Variants in PLXNC1 observed in about 807,000 individuals in gnomAD.
PLXNC1 encodes plexin C1, also known as plexin-C1.
In PLXNC1, 75 loss-of-function variants were observed where a neutral mutation model predicts 178.2. The observed-to-expected ratio is 0.42, with a 90% CI of 0.35 to 0.51. The LOEUF (loss-of-function observed/expected upper bound fraction) is 0.51, where lower values mean the gene tolerates loss of function less well. Ranked by LOEUF, PLXNC1 falls within the 20% of genes least tolerant of loss-of-function variation. The pLI is 0.02. For synonymous variants in PLXNC1, 790 were observed against 779.9 expected (o/e 1.01, Z -0.22); for missense variants, 1,503 against 1,984.4 (o/e 0.76, Z 4.61).
rs1227152662 is a variant in PLXNC1, at chr12:94,249,941, G to GGGGGTGGT, written c.2779-1478_2779-1477insTGGGGTGG. ...AAAAAGCACCAGTGTGGGGGGGTGG[G>GGGGGTGGT]GGGGTGGGAACAGGAGCAGGTAGGG... is the stretch of plus-strand genomic sequence containing the variant. On this transcript the variant is annotated intron_variant, in intron 14 of 30. Transcript: ENST00000258526. Among the ~76,000 whole-genome samples, 4 of 133,268 alleles carry GGGGGTGGT rather than the reference G, an allele frequency of 3.0e-5. No homozygotes were observed. The South Asian group carries it at 1.2e-3, about 39-fold the overall frequency. 87.4% of individuals were successfully genotyped at this position (133,268 alleles called of 152,430 possible). A position where few individuals can be genotyped will look rare whatever the true frequency, so the allele number is the denominator to read the frequency against.
intron 4 of PLXNC1, among the ~76,000 whole-genome samples, chr12:94,195,889 T>G (rs1354168836): frequency 6.6e-6 from 1 of 152,232 alleles, no homozygotes; most frequent in African/African-American, 2.4e-5. Flanking sequence ...TAAACATATT[T>G]GTCCCCAACA....
At chr12:94,197,568 C>T (rs1315591811) in intron 4 of PLXNC1, among the ~76,000 whole-genome samples, 1 of 152,066 alleles carries the variant, frequency 6.6e-6, no homozygotes, top group African/African-American at 2.4e-5. Flanking sequence ...GTCTCTAGAA[C>T]TGTAAAAAAT....
At chr12:94,159,199 G>A (rs1961286113) in intron 1 of PLXNC1, among the ~76,000 whole-genome samples, 1 of 152,170 alleles carries the variant, frequency 6.6e-6, no homozygotes, top group Non-Finnish European at 1.5e-5. Flanking sequence ...ACATTAAGAT[G>A]ATAGCTAAAA....
At chr12:94,229,669 G>A (rs1238943820) in intron 9 of PLXNC1, among the ~76,000 whole-genome samples, 1 of 152,092 alleles carries the variant, frequency 6.6e-6, no homozygotes, top group Admixed American at 6.5e-5. Flanking sequence ...TTCCCCCATT[G>A]AATGGTCTTG....
At chr12:94,297,149 T>C in intron 24 of PLXNC1, 40 bp from the exon 25 acceptor site, 1 of 1,611,154 alleles carries the variant, frequency 6.2e-7, no homozygotes, top group East Asian at 2.2e-5. Flanking sequence ...GTTGCTTTTT[T>C]TAATGGACTG....
intron 1 of PLXNC1, among the ~76,000 whole-genome samples, chr12:94,159,876 G>A (rs1961314021): frequency 6.6e-6 from 1 of 152,208 alleles, no homozygotes; most frequent in South Asian, 2.1e-4. Context: ...GAAACAGATG[G>A]ATTTTGTTTA....
intron 4 of PLXNC1, among the ~76,000 whole-genome samples, chr12:94,202,804 C>T (rs1963181353): frequency 6.6e-6 from 1 of 152,146 alleles, no homozygotes; most frequent in Non-Finnish European, 1.5e-5. Context: ...CCAAACTTAC[C>T]TGGGGATGAG....
intron 9 of PLXNC1, among the ~76,000 whole-genome samples, chr12:94,236,033 C>A (rs1964232155): frequency 6.6e-6 from 1 of 152,184 alleles, no homozygotes; most frequent in Non-Finnish European, 1.5e-5. Flanking sequence ...AGAGATTTAT[C>A]TTGAAGGCTT....
At chr12:94,158,860 G>A (rs1343593156) in intron 1 of PLXNC1, among the ~76,000 whole-genome samples, 2 of 152,126 alleles carry the variant, frequency 1.3e-5, no homozygotes, top group Non-Finnish European at 2.9e-5. Context: ...GGGAGTTTCC[G>A]GAGCCCTACA....
chr12:94,155,713 A>G (rs568913662), intron 1 of PLXNC1, among the ~76,000 whole-genome samples: 5 of 152,302 alleles, frequency 3.3e-5, no homozygotes, highest in South Asian at 2.1e-4. Context: ...TGCATATAAC[A>G]GTTTATTTGT....
chr12:94,177,905 G>A (rs553736188), intron 2 of PLXNC1, among the ~76,000 whole-genome samples: 23 of 152,288 alleles, frequency 1.5e-4, no homozygotes, highest in Middle Eastern at 6.8e-3. Flanking sequence ...AACATATTTC[G>A]TTATGCATCT....
intron 23 of PLXNC1, among the ~76,000 whole-genome samples, chr12:94,289,127 G>A (rs1347822144): frequency 6.6e-6 from 1 of 152,132 alleles, no homozygotes; most frequent in Non-Finnish European, 1.5e-5. Flanking sequence ...GGAATTCTAA[G>A]CTGTGCCATA....
At chr12:94,219,580 T>C (rs1415815414) in intron 5 of PLXNC1, among the ~76,000 whole-genome samples, 1 of 151,844 alleles carries the variant, frequency 6.6e-6, no homozygotes, top group African/African-American at 2.4e-5. Context: ...TGTGTAAGGG[T>C]AAAAGATGCC....
chr12:94,197,640 A>G (rs1462228368), intron 4 of PLXNC1, among the ~76,000 whole-genome samples: 1 of 152,182 alleles, frequency 6.6e-6, no homozygotes, highest in Admixed American at 6.5e-5. Flanking sequence ...CACAAAATGG[A>G]CTGAGACACC....
intron 1 of PLXNC1, among the ~76,000 whole-genome samples, chr12:94,160,295 C>A (rs911566906): frequency 6.6e-6 from 1 of 152,188 alleles, no homozygotes; most frequent in Non-Finnish European, 1.5e-5. Flanking sequence ...TACTCTTCAT[C>A]TGGTGGAGAA....
chr12:94,181,796 A>T (rs888504811), intron 3 of PLXNC1, among the ~76,000 whole-genome samples: 1 of 152,178 alleles, frequency 6.6e-6, no homozygotes, highest in Non-Finnish European at 1.5e-5. Context: ...CAATTTTATT[A>T]TTGGCTATAT....
chr12:94,178,432 G>C (rs1304001183), intron 2 of PLXNC1, among the ~76,000 whole-genome samples: 4 of 152,120 alleles, frequency 2.6e-5, no homozygotes, highest in Non-Finnish European at 5.9e-5. Context: ...ACCCTTCCTT[G>C]ATAATATTTC....
intron 11 of PLXNC1, among the ~76,000 whole-genome samples, chr12:94,241,648 A>G (rs1333664514): frequency 1.3e-5 from 2 of 152,150 alleles, no homozygotes; most frequent in Non-Finnish European, 2.9e-5. Flanking sequence ...TTCACTTAAC[A>G]TAATGTCCTG....
At chr12:94,303,496 C>A (rs1968670175) in intron 28 of PLXNC1, among the ~76,000 whole-genome samples, 1 of 152,002 alleles carries the variant, frequency 6.6e-6, no homozygotes, top group Non-Finnish European at 1.5e-5. Flanking sequence ...AATTTTAGTT[C>A]TTTTATGAGA....
Sources: allele counts gnomAD v4.1 joint callset (sites outside exome capture counted in the v4.1 genomes callset), GRCh38; gene constraint gnomAD v4.1.1; transcripts MANE v1.5; gene names NCBI Gene and HGNC (gene_info 2026-07-23, HGNC 2026-07-21).